Variants in NXPE2 observed in about 807,000 individuals in gnomAD.
NXPE2 encodes NXPE family member 2.
Under a neutral mutation model 34.4 loss-of-function variants are expected in NXPE2, and 34 were observed. The ratio of observed to expected loss-of-function variants is 0.99; its 90% CI spans 0.75 to 1.31. The LOEUF is 1.31. Among genes scored for constraint, NXPE2 ranks in the 40% most tolerant of loss-of-function variants. NXPE2 has a pLI of 0.00. For synonymous variants in NXPE2, 235 were observed against 231.3 expected (o/e 1.02, Z -0.15); for missense variants, 649 against 672.5 (o/e 0.97, Z 0.39).
At chr11:114,519,795 A>G in the NXPE2 span, among the ~76,000 whole-genome samples, 31 of 152,138 alleles carry the variant, frequency 2.0e-4, no homozygotes, top group Non-Finnish European at 3.2e-4. Flanking sequence ...GCATACATTT[A>G]AGGTATACAG....
At chr11:114,758,335 C>T in the NXPE2 span, among the ~76,000 whole-genome samples, 1 of 152,206 alleles carries the variant, frequency 6.6e-6, no homozygotes, top group Non-Finnish European at 1.5e-5. Flanking sequence ...AGCTTCCTAC[C>T]TAAAGAAGGA....
the NXPE2 span, among the ~76,000 whole-genome samples, chr11:114,477,281 A>C: frequency 1.8e-4 from 28 of 152,286 alleles, no homozygotes; most frequent in Non-Finnish European, 3.7e-4. Flanking sequence ...AAAGCTCTGG[A>C]GACCTATTGT....
At chr11:114,567,255 G>A in the NXPE2 span, among the ~76,000 whole-genome samples, 1 of 152,000 alleles carries the variant, frequency 6.6e-6, no homozygotes, top group African/African-American at 2.4e-5. Context: ...CTGCTTGCAT[G>A]GGCACTCGAT....
At chr11:114,618,038 G>T in the NXPE2 span, among the ~76,000 whole-genome samples, 1 of 152,056 alleles carries the variant, frequency 6.6e-6, no homozygotes, top group Non-Finnish European at 1.5e-5. Context: ...TGCCTCGTGG[G>T]TAACAACTCT....
chr11:114,545,959 G>T, the NXPE2 span, among the ~76,000 whole-genome samples: 1 of 152,072 alleles, frequency 6.6e-6, no homozygotes, highest in Non-Finnish European at 1.5e-5. Flanking sequence ...AAAGTGCTGG[G>T]ATTACAGGCA....
chr11:114,775,508 A>G, the NXPE2 span, among the ~76,000 whole-genome samples: 1 of 152,128 alleles, frequency 6.6e-6, no homozygotes, highest in Admixed American at 6.5e-5. Context: ...CATTCCATTT[A>G]TTACCTTTCA....
chr11:114,632,450 A>T, the NXPE2 span, among the ~76,000 whole-genome samples: 1,966 of 130,184 alleles, frequency 0.015, 60 homozygotes, highest in African/African-American at 0.051. Flanking sequence ...TATATAATTT[A>T]TAAGAGTTAT....
the NXPE2 span, among the ~76,000 whole-genome samples, chr11:114,650,564 A>C: frequency 4.6e-5 from 7 of 151,622 alleles, no homozygotes; most frequent in Non-Finnish European, 8.8e-5. Context: ...CTCCTTCCCC[A>C]GGAAGTGAGA....
chr11:114,594,707 A>G, the NXPE2 span: 1 of 1,604,646 alleles, frequency 6.2e-7, no homozygotes, highest in Non-Finnish European at 8.5e-7. Context: ...CCAGGAGGCT[A>G]ATATAAACAA....
intron 2 of NXPE2, among the ~76,000 whole-genome samples, chr11:114,681,638 C>T (rs529234110): frequency 7.2e-5 from 11 of 152,090 alleles, no homozygotes; most frequent in Non-Finnish European, 1.3e-4. Context: ...TAGCATTCCC[C>T]TTACTCTGTT....
chr11:114,477,427 C>A, the NXPE2 span, among the ~76,000 whole-genome samples: 1 of 152,096 alleles, frequency 6.6e-6, no homozygotes, highest in African/African-American at 2.4e-5. Flanking sequence ...AATCATTTCA[C>A]AATGTATACA....
chr11:114,606,940 C>T, the NXPE2 span, among the ~76,000 whole-genome samples: 1 of 151,878 alleles, frequency 6.6e-6, no homozygotes, highest in East Asian at 1.9e-4. Flanking sequence ...TGGGTAACCA[C>T]TGTTATCCTG....
the NXPE2 span, among the ~76,000 whole-genome samples, chr11:114,781,506 C>T: frequency 6.6e-6 from 1 of 152,140 alleles, no homozygotes. Flanking sequence ...TGTTTGAGAT[C>T]TCACAGGTAG....
At chr11:114,515,893 A>T in the NXPE2 span, among the ~76,000 whole-genome samples, 758 of 152,306 alleles carry the variant, frequency 5.0e-3, 6 homozygotes, top group African/African-American at 0.018. Context: ...TTCAATTTTG[A>T]ATTGATTTAG....
chr11:114,604,270 C>T, the NXPE2 span, among the ~76,000 whole-genome samples: 1 of 151,974 alleles, frequency 6.6e-6, no homozygotes, highest in South Asian at 2.1e-4. Flanking sequence ...CCAGTGTTAC[C>T]TGCTAGATAA....
the NXPE2 span, among the ~76,000 whole-genome samples, chr11:114,627,356 A>G: frequency 8.8e-3 from 1,324 of 150,992 alleles, 19 homozygotes; most frequent in African/African-American, 0.029. Flanking sequence ...GAGAGTGGGG[A>G]CCAATATTCA....
the NXPE2 span, among the ~76,000 whole-genome samples, chr11:114,489,029 G>C: frequency 1.3e-5 from 2 of 152,134 alleles, no homozygotes; most frequent in Admixed American, 6.5e-5. Context: ...AAGGGGATAT[G>C]ACCACTGATC....
chr11:114,553,901 T>G, the NXPE2 span: 1 of 982,802 alleles, frequency 1.0e-6, no homozygotes, highest in Non-Finnish European at 1.2e-6. Context: ...GTGGAAGTCA[T>G]CAAAGGCTAT....
At chr11:114,587,006 G>A in the NXPE2 span, among the ~76,000 whole-genome samples, 3 of 152,098 alleles carry the variant, frequency 2.0e-5, no homozygotes, top group Non-Finnish European at 4.4e-5. Context: ...GGTCTGGAGA[G>A]CACATGGTAT....
Sources: gnomAD v4.1 joint callset for allele counts (sites outside exome capture counted in the v4.1 genomes callset) on GRCh38, gnomAD v4.1.1 for gene constraint, MANE v1.5 for transcripts, NCBI Gene and HGNC (gene_info 2026-07-23, HGNC 2026-07-21) for gene names.